The following ESS2 variants were observed in gnomAD, a reference collection of about 807,000 sequenced individuals.
ESS2 encodes splicing factor ESS-2 homolog.
In ESS2, 31 loss-of-function variants were observed where a neutral mutation model predicts 52.0. That is an observed-to-expected ratio of 0.60 (90% CI 0.45 to 0.81). The LOEUF (loss-of-function observed/expected upper bound fraction) is 0.81. ESS2 is among the 30% of genes least tolerant of loss of function. The pLI, the probability that ESS2 is intolerant of heterozygous loss-of-function variation, is 0.00. For synonymous variants in ESS2, 285 were observed against 259.2 expected (o/e 1.10, Z -0.95); for missense variants, 602 against 637.2 (o/e 0.94, Z 0.59).
In ESS2 at chr22:19,131,477, C is replaced by T; in HGVS notation, c.*2719G>A. 1 of 1,614,118 alleles carries T rather than the reference C, an allele frequency of 6.2e-7. No homozygotes were observed. Among genetic ancestry groups the T allele is most frequent in the Non-Finnish European group, 8.5e-7 (1 of 1,180,024 alleles). On this transcript the variant is annotated 3_prime_UTR_variant, in exon 10 of 10. Transcript: ENST00000252137. The surrounding 1 kb of genome is among the most constrained non-coding windows in gnomAD (Gnocchi z 5.7). ...TTGGCAAGGGTTCCTACGCAAAAGT[C>T]AAATCTGCCTACTCTGAGCGCCTCA...
At chr22:19,134,981 C>T in intron 9 of ESS2, 79 bp downstream of exon 9, 1 of 1,388,678 alleles carries the variant, frequency 7.2e-7, no homozygotes, top group Non-Finnish European at 1.0e-6. Context: ...GCCATGCCTC[C>T]ACACGGTCAG....
At position 19,137,356 on chromosome 22, in the gene ESS2, G is replaced by A; in HGVS notation, c.1002C>T (p.Pro334=). 2 of 1,613,744 alleles carry A rather than the reference G, an allele frequency of 1.2e-6. No homozygotes were observed. The highest frequency in any genetic ancestry group is 1.1e-5 in the South Asian group (1 of 91,064). The change falls in exon 8 of 10, where the codon CCC becomes CCT. Residue 334 remains proline, a synonymous_variant. Coordinates refer to ENST00000252137, the MANE Select transcript of ESS2 (RefSeq NM_022719.3). ...TPLRVEGSET[P]YVDRTPGPAF... ...CTGGGCCGGGTGTCCTGTCCACGTA[G>A]GGCGTTTCCGACCCTTCAACTCTCA...
chr22:19,142,688 AG>A, intron 2 of ESS2, 37 bp downstream of exon 2: 1 of 1,610,170 alleles, frequency 6.2e-7, no homozygotes, highest in Non-Finnish European at 8.5e-7. Flanking sequence ...ACAGTTCAGC[AG>A]GCTTTCCCCT....
At chr22:19,139,830 G>A (rs1379369062) in intron 4 of ESS2, 25 bp downstream of exon 4, 6 of 1,613,826 alleles carry the variant, frequency 3.7e-6, no homozygotes, top group Non-Finnish European at 5.1e-6. Flanking sequence ...CTACGCCTAT[G>A]TGACACCCCA....
rs1214759613 is a variant in ESS2, at chr22:19,135,097, G to GCC, written c.1113_1114insGG (p.Gln372GlyfsTer8). 5 of 1,614,024 alleles carry GCC rather than the reference G, an allele frequency of 3.1e-6. No homozygotes were observed. Among genetic ancestry groups the GCC allele is most frequent in the Non-Finnish European group, 4.2e-6 (5 of 1,179,994 alleles). On this transcript the variant is annotated frameshift_variant, in exon 9 of 10. Coordinates refer to ENST00000252137, the MANE Select transcript of ESS2 (RefSeq NM_022719.3). LOFTEE classifies it high-confidence loss of function. The stretch of plus-strand genomic sequence containing the variant: ...TCCGTCACTCTCCGCAAGGCTTCCT[G>GCC]CTTCTTGGCCCGGTTCTTGGCAGCG...
chr22:19,143,929 C>G (rs776473099), intron 1 of ESS2: 5 of 487,954 alleles, frequency 1.0e-5, no homozygotes, highest in African/African-American at 2.1e-5. Context: ...TTGAGATTCC[C>G]AAGTCTGCAC....
chr22:19,135,033 T>C, intron 9 of ESS2, 27 bp downstream of exon 9: 1 of 1,604,426 alleles, frequency 6.2e-7, no homozygotes, highest in Non-Finnish European at 8.5e-7. Flanking sequence ...ACCCTCGCAC[T>C]TCCCCACCAG....
Position 19,131,625 on chromosome 22 carries a change from T to C in ESS2, c.*2571A>G, listed in dbSNP as rs1569102466. 1.2e-6 allele frequency: 2 copies of C among 1,614,092 alleles called. No homozygotes were observed. Among genetic ancestry groups the C allele is most frequent in the Non-Finnish European group, 1.7e-6 (2 of 1,180,036 alleles). ...CAACCACGGCTCCATCATCAAGACT[T>C]ACGAGATCTTTGAGACCTCTGACGG... On this transcript the variant is annotated 3_prime_UTR_variant, in exon 10 of 10. Coordinates refer to ENST00000252137, the MANE Select transcript of ESS2 (RefSeq NM_022719.3). The surrounding 1 kb of genome is among the most constrained non-coding windows in gnomAD (Gnocchi z 5.7).
At chr22:19,138,482 G>C in intron 6 of ESS2, 165 bp from the exon 7 acceptor site, 1 of 752,062 alleles carries the variant, frequency 1.3e-6, no homozygotes, top group Non-Finnish European at 2.4e-6. Flanking sequence ...GAGGGCCCCT[G>C]CCCCAACCCC....
chr22:19,142,497 C>G (rs1460211510), intron 3 of ESS2, 41 bp downstream of exon 3: 1 of 1,539,176 alleles, frequency 6.5e-7, no homozygotes, highest in African/African-American at 1.4e-5. Flanking sequence ...GATTCCCAGG[C>G]AATCCTGACC....
At chr22:19,137,147 T>C (rs1421607962) in intron 8 of ESS2, among the ~76,000 whole-genome samples, 176 bp downstream of exon 8, 2 of 152,100 alleles carry the variant, frequency 1.3e-5, no homozygotes, top group Non-Finnish European at 2.9e-5. Context: ...CAAATCCCTC[T>C]GTGACAGGTC....
intron 5 of ESS2, 131 bp from the exon 6 acceptor site, chr22:19,139,423 G>A (rs942247162): frequency 8.1e-6 from 11 of 1,366,264 alleles, no homozygotes; most frequent in Non-Finnish European, 1.1e-5. Context: ...CCCCAGTGCC[G>A]CTGGAGAGGG....
At chr22:19,140,449 C>G (rs1294214372) in intron 3 of ESS2, among the ~76,000 whole-genome samples, 1 of 152,154 alleles carries the variant, frequency 6.6e-6, no homozygotes, top group Non-Finnish European at 1.5e-5. Flanking sequence ...TTACCTTACC[C>G]ACTCTTCTCT....
chr22:19,135,329 C>T (rs531825159), intron 8 of ESS2, among the ~76,000 whole-genome samples, 154 bp from the exon 9 acceptor site: 1 of 152,346 alleles, frequency 6.6e-6, no homozygotes, highest in East Asian at 1.9e-4. Context: ...CCCTGGAAAG[C>T]CCCAAACCCC....
In ESS2 at chr22:19,134,284, G is replaced by A. The variant is rs1206100325; in HGVS notation, c.1343C>T (p.Thr448Ile). 1 of 1,596,798 alleles carries A rather than the reference G, an allele frequency of 6.3e-7. No homozygotes were observed. The highest frequency in any genetic ancestry group is 1.3e-5 in the African/African-American group (1 of 74,458). ...CGGGTCCTGTGTGAGAGGGGTGCGT[G>A]TGGCAGAGCCAGGCGCCGGTGTGCT... ...PTSTPAPGSA[T>I]RTPLTQDPAS... is the part of the protein sequence containing the mutation. Residue 448 changes from threonine (T) to isoleucine (I), a missense_variant, in exon 10 of 10, where the codon ACA (threonine) becomes ATA (isoleucine). Physicochemically the swap from Thr to Ile is moderately conservative, Grantham distance 89. Coordinates refer to ENST00000252137, the MANE Select transcript of ESS2 (RefSeq NM_022719.3).
In ESS2 at chr22:19,132,734, T is replaced by G. The variant is rs1165486381; in HGVS notation, c.*1462A>C. 5 of 475,304 alleles carry G rather than the reference T, an allele frequency of 1.1e-5. No homozygotes were observed. Among genetic ancestry groups the G allele is most frequent in the African/African-American group, 2.0e-5 (1 of 51,026 alleles). The allele number at this position is 475,304 out of a possible 1,614,324, so 29.4% of individuals were successfully genotyped here. On this transcript the variant is annotated 3_prime_UTR_variant, in exon 10 of 10. Transcript: ENST00000252137. This position sits in a 1 kb window ranked among gnomAD's most constrained non-coding sequence, Gnocchi z 4.2. ...GTGCCCAGTGAGGAGTGTTTTTCTC[T>G]GGGACTCAGCCAACCGCCCCACCTG...
In ESS2 at chr22:19,131,901, C is replaced by T. The variant is rs200993519; in HGVS notation, c.*2295G>A. ...GCGCTGCCTGCGGGACAGCAATGGG[C>T]GCATCATCCTCAGCAAGACCTTCTG... On this transcript the variant is annotated 3_prime_UTR_variant, in exon 10 of 10. Transcript: ENST00000252137. The surrounding 1 kb of genome is among the most constrained non-coding windows in gnomAD (Gnocchi z 5.7). 332 of 1,613,954 alleles carry T rather than the reference C, an allele frequency of 2.1e-4. No homozygotes were observed. Among genetic ancestry groups the T allele is most frequent in the Non-Finnish European group, 2.4e-4 (286 of 1,179,996 alleles).
At chr22:19,135,355 G>A (rs1178917308) in intron 8 of ESS2, among the ~76,000 whole-genome samples, 180 bp from the exon 9 acceptor site, 1 of 152,208 alleles carries the variant, frequency 6.6e-6, no homozygotes, top group Non-Finnish European at 1.5e-5. Context: ...ACCTGCCCAA[G>A]GCGCAGCACT....
rs376965034 is a variant in ESS2, at chr22:19,131,878, G to A, written c.*2318C>T. ...CTGTCTGACTTTGGCTTCTCCAAGCGCTGCCTGCGGGACAGCAATGGGCGC... is the reference window on the plus strand; with the variant it reads ...CTGTCTGACTTTGGCTTCTCCAAGCACTGCCTGCGGGACAGCAATGGGCGC... On this transcript the variant is annotated 3_prime_UTR_variant, in exon 10 of 10. Coordinates refer to ENST00000252137, the MANE Select transcript of ESS2 (RefSeq NM_022719.3). This position sits in a 1 kb window ranked among gnomAD's most constrained non-coding sequence, Gnocchi z 5.7. 1.7e-5 allele frequency: 28 copies of A among 1,614,102 alleles called. No individual in the cohort carries two copies. The African/African-American group carries it at 1.9e-4, about 11-fold the overall frequency.
Sources: allele counts gnomAD v4.1 joint callset (sites outside exome capture counted in the v4.1 genomes callset), GRCh38; gene constraint gnomAD v4.1.1; non-coding constraint Gnocchi (gnomAD v3.1); transcripts MANE v1.5; gene names NCBI Gene and HGNC (gene_info 2026-07-23, HGNC 2026-07-21).